The following RAB3D variants were observed in gnomAD, a reference collection of about 807,000 sequenced individuals.
The protein encoded by RAB3D is ras-related protein Rab-3D.
A neutral mutation model predicts 19.3 loss-of-function variants in RAB3D; 17 were observed. The ratio of observed to expected loss-of-function variants is 0.88; its 90% CI spans 0.60 to 1.32. RAB3D has a LOEUF of 1.32. RAB3D is among the 40% of genes most tolerant of loss of function. The pLI is 0.00. For synonymous variants in RAB3D, 103 were observed against 119.9 expected (o/e 0.86, Z 0.92); for missense variants, 223 against 299.1 (o/e 0.75, Z 1.88).
Position 11,335,530 on chromosome 19 carries a change from A to C in RAB3D, c.389T>G (p.Val130Gly), listed in dbSNP as rs1307664647. ...GTCACACTTGTTCCCCACCAGGATG[A>C]CCTGGGCGTTGTCCCAGGAGTAGGT... Reference protein sequence around the residue: ...IKTYSWDNAQVILVGNKCDLE... With the variant: ...IKTYSWDNAQGILVGNKCDLE... The change falls in exon 4 of 5, where the codon GTC becomes GGC. Residue 130 changes from valine (V) to glycine (G), a missense_variant. Physicochemically the swap from Val to Gly is moderately radical, Grantham distance 109. Coordinates refer to ENST00000222120, the MANE Select transcript of RAB3D (RefSeq NM_004283.4). 1 of 1,614,150 alleles carries C rather than the reference A, an allele frequency of 6.2e-7. No individual in the cohort carries two copies. Among genetic ancestry groups the C allele is most frequent in the Admixed American group, 1.7e-5 (1 of 60,004 alleles).
chr19:11,331,828 C>T (rs1226969436), intron 4 of RAB3D, among the ~76,000 whole-genome samples: 3 of 151,696 alleles, frequency 2.0e-5, no homozygotes, highest in East Asian at 3.9e-4. Context: ...TAAAAAACGA[C>T]GACGACAACA....
At chr19:11,336,305 TTTTC>T (rs375477355) in intron 2 of RAB3D, among the ~76,000 whole-genome samples, 12 of 151,960 alleles carry the variant, frequency 7.9e-5, no homozygotes, top group Admixed American at 2.0e-4. Flanking sequence ...GACCTTTCTT[TTTTC>T]TTTCTTTCTT....
At chr19:11,333,409 T>A (rs1178031867) in intron 4 of RAB3D, among the ~76,000 whole-genome samples, 2 of 151,972 alleles carry the variant, frequency 1.3e-5, no homozygotes, top group Admixed American at 6.6e-5. Context: ...TATTATTTAG[T>A]AGAAAAGTTC....
At chr19:11,337,671 C>CTT (rs562747979) in intron 1 of RAB3D, among the ~76,000 whole-genome samples, 5 of 138,804 alleles carry the variant, frequency 3.6e-5, no homozygotes, top group Non-Finnish European at 4.8e-5. Context: ...TTCTTTCTTT[C>CTT]TTTTTTTTTT....
intron 4 of RAB3D, among the ~76,000 whole-genome samples, chr19:11,329,200 G>A (rs2080827270): frequency 1.3e-5 from 2 of 152,136 alleles, no homozygotes; most frequent in African/African-American, 2.4e-5. Context: ...TTACAGGCAT[G>A]AGCCACCATG....
chr19:11,329,168 T>C (rs1341478261), intron 4 of RAB3D, among the ~76,000 whole-genome samples: 2 of 151,962 alleles, frequency 1.3e-5, no homozygotes, highest in Non-Finnish European at 2.9e-5. Flanking sequence ...ATCCTCTGCC[T>C]TGACCTCCCA....
intron 1 of RAB3D, 114 bp downstream of exon 1, chr19:11,339,355 C>T (rs1966928627): frequency 6.6e-6 from 1 of 152,358 alleles, no homozygotes; most frequent in African/African-American, 2.4e-5. Flanking sequence ...CGCGCCCCAT[C>T]AGCGCTTCCC....
intron 4 of RAB3D, among the ~76,000 whole-genome samples, chr19:11,328,403 G>A (rs2080823684): frequency 6.7e-6 from 1 of 150,220 alleles, no homozygotes; most frequent in Admixed American, 6.6e-5. Flanking sequence ...TGTAATTCCA[G>A]CACTTTGGGA....
intron 1 of RAB3D, among the ~76,000 whole-genome samples, chr19:11,338,833 T>A (rs1966922411): frequency 6.6e-6 from 1 of 152,184 alleles, no homozygotes; most frequent in African/African-American, 2.4e-5. Flanking sequence ...ACATGCTGCT[T>A]CATCCGAGTC....
intron 2 of RAB3D, 47 bp from the exon 3 acceptor site, chr19:11,335,830 G>C: frequency 6.5e-7 from 1 of 1,549,290 alleles, no homozygotes; most frequent in Non-Finnish European, 8.9e-7. Context: ...CTGTTTCCCA[G>C]TCCACCCCTG....
rs1199879777 is a variant in RAB3D, at chr19:11,323,809, C to T, written c.*1589G>A. The T allele has an allele frequency of 2.0e-5, 3 of 152,158 alleles. No homozygotes were observed. Among genetic ancestry groups the T allele is most frequent in the East Asian group, 3.9e-4 (2 of 5,192 alleles). The allele number at this position is 152,158 out of a possible 1,614,324, so 9.4% of individuals were successfully genotyped here. A position where few individuals can be genotyped will look rare whatever the true frequency, so the allele number is the denominator to read the frequency against. On this transcript the variant is annotated 3_prime_UTR_variant, in exon 5 of 5. Transcript: ENST00000222120. ...ACAACCTCTGAAACAGAGTCAGGGA[C>T]GTGGGAACATAAAACATCCACTTAG...
rs1413528919 is a variant in RAB3D at position 11,323,163 on chromosome 19, T to C, written c.*2235A>G. 6.8e-6 allele frequency: 1 copy of C among 147,992 alleles called. No homozygotes were observed. The highest frequency in any genetic ancestry group is 1.5e-5 in the Non-Finnish European group (1 of 67,922). 9.2% of individuals were successfully genotyped at this position (147,992 alleles called of 1,614,324 possible). A position where few individuals can be genotyped will look rare whatever the true frequency, so the allele number is the denominator to read the frequency against. On this transcript the variant is annotated 3_prime_UTR_variant, in exon 5 of 5. Transcript: ENST00000222120. ...GCAGGCCATACTGCATCTTGAGAAG[T>C]CTTTTTGAAGCTACTTTAGTTTGAC... is the stretch of plus-strand genomic sequence containing the variant.
In RAB3D at chr19:11,334,287, T is replaced by C. The variant is rs1669002603; in HGVS notation, c.472+1160A>G. On this transcript the variant is annotated intron_variant, in intron 4 of 4. Transcript: ENST00000222120. Reference sequence around the variant, plus strand: ...GGGTTCAAGACCAGCCTGGCCAACATGGCAAAACCCCATCTCTACTGAAAA... The same window carrying C: ...GGGTTCAAGACCAGCCTGGCCAACACGGCAAAACCCCATCTCTACTGAAAA... Among the ~76,000 whole-genome samples, 4 of 150,948 alleles carry C rather than the reference T, an allele frequency of 2.6e-5. No individual in the cohort carries two copies. In the South Asian group the frequency reaches 8.4e-4, roughly 32 times the overall value.
chr19:11,335,848 G>C, intron 2 of RAB3D, 65 bp from the exon 3 acceptor site: 1 of 1,431,344 alleles, frequency 7.0e-7, no homozygotes, highest in Non-Finnish European at 9.9e-7. Context: ...CTGTCTTAGA[G>C]GGGCACTGCC....
chr19:11,336,040 C>T (rs1285031735), intron 2 of RAB3D, among the ~76,000 whole-genome samples: 1 of 152,192 alleles, frequency 6.6e-6, no homozygotes, highest in Non-Finnish European at 1.5e-5. Flanking sequence ...TTGAGGGGTT[C>T]CAAGTCTCAG....
intron 4 of RAB3D, among the ~76,000 whole-genome samples, chr19:11,333,572 G>A (rs1458932317): frequency 6.6e-6 from 1 of 152,110 alleles, no homozygotes; most frequent in African/African-American, 2.4e-5. Flanking sequence ...GGTGGGGAGT[G>A]GGTTATTGCC....
intron 4 of RAB3D, among the ~76,000 whole-genome samples, chr19:11,329,351 G>A (rs907442803): frequency 1.3e-5 from 2 of 152,060 alleles, no homozygotes; most frequent in Non-Finnish European, 2.9e-5. Context: ...GCTCACACCT[G>A]TAATCCCAGC....
chr19:11,334,503 C>T (rs1250056570), intron 4 of RAB3D, among the ~76,000 whole-genome samples: 1 of 151,616 alleles, frequency 6.6e-6, no homozygotes, highest in Non-Finnish European at 1.5e-5. Flanking sequence ...AAGAACATCC[C>T]CTTGGGCTGG....
intron 1 of RAB3D, among the ~76,000 whole-genome samples, chr19:11,338,766 T>G (rs1320120865): frequency 6.6e-6 from 1 of 152,108 alleles, no homozygotes; most frequent in African/African-American, 2.4e-5. Context: ...CGCCCACCCT[T>G]GGTCTTTCCA....
Sources: allele counts gnomAD v4.1 joint callset (sites outside exome capture counted in the v4.1 genomes callset), GRCh38; gene constraint gnomAD v4.1.1; transcripts MANE v1.5; gene names NCBI Gene and HGNC (gene_info 2026-07-23, HGNC 2026-07-21).